Variants in RGS3 observed in about 807,000 individuals in gnomAD.
RGS3 encodes the protein regulator of G protein signaling 3, also known as regulator of G-protein signalling 3.
In RGS3, 80 loss-of-function variants were observed where a neutral mutation model predicts 132.6. The ratio of observed to expected loss-of-function variants is 0.60; its 90% confidence interval spans 0.50 to 0.73. RGS3 has a LOEUF of 0.73. Among genes scored for constraint, RGS3 ranks in the 30% least tolerant of loss-of-function variants. RGS3 has a pLI of 0.00. For synonymous variants in RGS3, 598 were observed against 620.6 expected (o/e 0.96, Z 0.54); for missense variants, 1,382 against 1,530.8 (o/e 0.90, Z 1.62).
chr9:113,460,924 A>G (rs115206312), intron 1 of RGS3, among the ~76,000 whole-genome samples: 2,264 of 152,280 alleles, frequency 0.015, 62 homozygotes, highest in African/African-American at 0.052. Flanking sequence ...ATTGCTCGAT[A>G]CTTTATTAAG....
At chr9:113,584,932 G>A (rs1320028977) in intron 20 of RGS3, among the ~76,000 whole-genome samples, 1 of 152,230 alleles carries the variant, frequency 6.6e-6, no homozygotes, top group Non-Finnish European at 1.5e-5. Flanking sequence ...GGCAAAGAGA[G>A]GTTATCTAAC....
At chr9:113,501,061 A>T (rs1026148281) in intron 10 of RGS3, among the ~76,000 whole-genome samples, 3 of 152,152 alleles carry the variant, frequency 2.0e-5, no homozygotes, top group Admixed American at 1.3e-4. Flanking sequence ...GTTCCCTGTC[A>T]TGAGATGGGA....
Position 113,507,900 on chromosome 9 carries a change from T to C in RGS3, c.1437+262T>C, listed in dbSNP as rs1235129637. Among the ~76,000 whole-genome samples the C allele has an allele frequency of 2.6e-5, 4 of 152,182 alleles. No homozygotes were observed. Among genetic ancestry groups the C allele is most frequent in the African/African-American group, 9.7e-5 (4 of 41,438 alleles). ...TTTCAACTCACAGAAGGAAGAGCTT[T>C]CTACTAGCCTGTGCTTTTCCCCAGT... On this transcript the variant is annotated intron_variant, in intron 13 of 24. Transcript: ENST00000350696. This position sits in a 1 kb window ranked among gnomAD's most constrained non-coding sequence, Gnocchi z 5.0.
intron 20 of RGS3, among the ~76,000 whole-genome samples, chr9:113,590,616 C>G (rs1835372563): frequency 6.6e-6 from 1 of 151,570 alleles, no homozygotes; most frequent in African/African-American, 2.4e-5. Flanking sequence ...AGGTGGGAGA[C>G]TCACAAAAGC....
chr9:113,471,535 C>T (rs1829831390), intron 3 of RGS3, among the ~76,000 whole-genome samples: 2 of 152,072 alleles, frequency 1.3e-5, no homozygotes, highest in South Asian at 2.1e-4. Flanking sequence ...AAATGGAAGT[C>T]CCCTACATAT....
At chr9:113,461,907 T>A (rs1193454948) in intron 2 of RGS3, 2 of 1,600,432 alleles carry the variant, frequency 1.2e-6, no homozygotes, top group African/African-American at 2.7e-5. Flanking sequence ...CCTGTGGGCC[T>A]TCCTTTGCTG....
intron 19 of RGS3, among the ~76,000 whole-genome samples, chr9:113,574,493 G>A (rs977899436): frequency 1.3e-5 from 2 of 152,234 alleles, no homozygotes; most frequent in African/African-American, 4.8e-5. Flanking sequence ...AGCCAACACA[G>A]GCCCTGGCGC....
chr9:113,565,160 A>T lies in RGS3; in HGVS notation c.2038-18290A>T. On this transcript the variant is annotated intron_variant, in intron 19 of 24. Transcript: ENST00000350696. This position sits in a 1 kb window ranked among gnomAD's most constrained non-coding sequence, Gnocchi z 5.7. ...ATGAGCCACAGGGGACCCACAGCCT[A>T]TGCGTGTGAGCATGTAACCCGGGAG... 1.6e-6 allele frequency: 2 copies of T among 1,219,748 alleles called. No individual in the cohort carries two copies. The highest frequency in any genetic ancestry group is 2.1e-6 in the Non-Finnish European group (2 of 955,702). The allele number at this position is 1,219,748 out of a possible 1,614,324, so 75.6% of individuals were successfully genotyped here. A position where few individuals can be genotyped will look rare whatever the true frequency, so the allele number is the denominator to read the frequency against.
intron 19 of RGS3, among the ~76,000 whole-genome samples, chr9:113,539,735 C>G (rs1355105299): frequency 1.3e-5 from 2 of 152,350 alleles, no homozygotes; most frequent in East Asian, 3.9e-4. Context: ...TGCTGACACC[C>G]AGATGTGGGG....
intron 19 of RGS3, among the ~76,000 whole-genome samples, chr9:113,578,396 G>A (rs1323065348): frequency 6.6e-6 from 1 of 152,210 alleles, no homozygotes; most frequent in Non-Finnish European, 1.5e-5. Context: ...AGGAAACTGA[G>A]GCACAGAAAG....
chr9:113,500,423 C>A (rs1421105288), intron 10 of RGS3, among the ~76,000 whole-genome samples: 1 of 152,184 alleles, frequency 6.6e-6, no homozygotes, highest in Non-Finnish European at 1.5e-5. Flanking sequence ...TGGGCAAAAG[C>A]AGCTGGGCTC....
rs1200773654 is a variant in RGS3, at chr9:113,591,426, G to A, written c.3080+29G>A. The stretch of plus-strand genomic sequence containing the variant: ...CGTTGGGAAGATCCCTGGCTTCTGC[G>A]CTCCTCTTCCTCCCTTGCCCCAGGG... On this transcript the variant is annotated intron_variant, in intron 21 of 24. Transcript: ENST00000350696. This position sits in a 1 kb window ranked among gnomAD's most constrained non-coding sequence, Gnocchi z 4.4. 36 of 1,598,160 alleles carry A rather than the reference G, an allele frequency of 2.3e-5. 1 individual carries two copies. The highest frequency in any genetic ancestry group is 2.7e-5 in the Non-Finnish European group (32 of 1,166,228).
intron 20 of RGS3, among the ~76,000 whole-genome samples, chr9:113,590,486 A>G (rs984237156): frequency 6.8e-6 from 1 of 147,400 alleles, no homozygotes; most frequent in African/African-American, 2.5e-5. Context: ...CCATCCATCT[A>G]TCCACCCACC....
chr9:113,447,327 A>ATATATATATATATATATATATGTG (rs1484683848), intron 1 of RGS3, among the ~76,000 whole-genome samples: 22 of 72,616 alleles, frequency 3.0e-4, no homozygotes, highest in Non-Finnish European at 5.1e-4. Flanking sequence ...ATGTATGTAT[A>ATATATATATATATATATATATGTG]TGTATATATA....
At chr9:113,470,824 G>T (rs146079683) in intron 3 of RGS3, among the ~76,000 whole-genome samples, 1 of 152,124 alleles carries the variant, frequency 6.6e-6, no homozygotes, top group Non-Finnish European at 1.5e-5. Flanking sequence ...AATTAGCTGG[G>T]CATGATGGTG....
intron 7 of RGS3, among the ~76,000 whole-genome samples, chr9:113,488,297 T>C (rs1426953592): frequency 1.3e-5 from 2 of 152,126 alleles, no homozygotes; most frequent in African/African-American, 4.8e-5. Context: ...ATGCAGGTGC[T>C]TGGAGGGGAG....
intron 19 of RGS3, among the ~76,000 whole-genome samples, chr9:113,553,877 C>T (rs1833464655): frequency 6.6e-6 from 1 of 152,130 alleles, no homozygotes; most frequent in South Asian, 2.1e-4. Context: ...CCATCAGCAC[C>T]TAAACTTCTC....
chr9:113,466,408 A>T (rs1490697485), intron 3 of RGS3, among the ~76,000 whole-genome samples: 1 of 152,232 alleles, frequency 6.6e-6, no homozygotes, highest in Non-Finnish European at 1.5e-5. Flanking sequence ...AACTGTTTTG[A>T]TGAGAATTCC....
chr9:113,508,983 T>C (rs1831275796), intron 14 of RGS3, among the ~76,000 whole-genome samples: 1 of 152,066 alleles, frequency 6.6e-6, no homozygotes. Flanking sequence ...CTATATGACT[T>C]TGAGCAAATC....
Sources: allele counts gnomAD v4.1 joint callset (sites outside exome capture counted in the v4.1 genomes callset), GRCh38; gene constraint gnomAD v4.1.1; non-coding constraint Gnocchi (gnomAD v3.1); transcripts MANE v1.5; gene names NCBI Gene and HGNC (gene_info 2026-07-23, HGNC 2026-07-21).